Variants in PFDN5 observed in about 807,000 individuals in gnomAD.
PFDN5 encodes prefoldin subunit 5.
A neutral mutation model predicts 21.5 loss-of-function variants in PFDN5; 13 were observed. That is an observed-to-expected ratio of 0.60 (90% CI 0.39 to 0.96). The LOEUF is 0.96. PFDN5 is among the 40% of genes least tolerant of loss of function. The pLI is 0.00. For missense variants in PFDN5, 188 were observed against 186.2 expected, an observed-to-expected ratio of 1.01 and a Z score of -0.06; for synonymous variants, 84 against 68.9, an observed-to-expected ratio of 1.22 and a Z score of -1.08.
Position 53,295,651 on chromosome 12 carries a change from C to A in PFDN5, c.72+12C>A, listed in dbSNP as rs763140389. On this transcript the variant is annotated intron_variant, in intron 1 of 5. Transcript: ENST00000334478. ...ACCAGCTGGACCAGGTGGGGACGGGCCCCAGAGGCACCTCTTTCCTGCTCT... is the reference window on the plus strand; with the variant it reads ...ACCAGCTGGACCAGGTGGGGACGGGACCCAGAGGCACCTCTTTCCTGCTCT... 2.5e-6 allele frequency: 4 copies of A among 1,608,682 alleles called. No individual in the cohort carries two copies. Among genetic ancestry groups the A allele is most frequent in the Middle Eastern group, 3.3e-4 (2 of 6,048 alleles).
At chr12:53,296,736 T>C (rs370368894) in intron 3 of PFDN5, 82 of 273,314 alleles carry the variant, frequency 3.0e-4, no homozygotes, top group African/African-American at 1.7e-3. Flanking sequence ...TTACACACTT[T>C]GTAGCTCTTT....
Position 53,295,588 on chromosome 12 carries a change from C to CACGGAGCTGAATCTG in PFDN5, c.22_36dup (p.Thr8_Leu12dup). 6.2e-7 allele frequency: 1 copy of CACGGAGCTGAATCTG among 1,613,968 alleles called. No individual in the cohort carries two copies. Among genetic ancestry groups the CACGGAGCTGAATCTG allele is most frequent in the Non-Finnish European group, 8.5e-7 (1 of 1,179,890 alleles). On this transcript the variant is annotated inframe_insertion, in exon 1 of 6. Coordinates refer to ENST00000334478, the MANE Select transcript of PFDN5 (RefSeq NM_002624.4). ...CCAACATGGCGCAGTCTATTAACAT[C>CACGGAGCTGAATCTG]ACGGAGCTGAATCTGCCGCAGCTAG...
Position 53,296,278 on chromosome 12 carries a change from A to T in PFDN5, c.207+3A>T. ...TACTCGTCCCACTGACGAGTTCTGT[A>T]TCCTTTCCACAGGAACGGCTACCTG... On this transcript the variant is annotated splice_donor_region_variant and intron_variant, in intron 3 of 5. Transcript: ENST00000334478. 5 of 1,605,506 alleles carry T rather than the reference A, an allele frequency of 3.1e-6. No individual in the cohort carries two copies. Among genetic ancestry groups the T allele is most frequent in the Non-Finnish European group, 4.3e-6 (5 of 1,174,644 alleles).
intron 1 of PFDN5, 69 bp from the exon 2 acceptor site, chr12:53,295,770 C>T (rs1483833883): frequency 2.4e-6 from 3 of 1,243,270 alleles, no homozygotes; most frequent in Non-Finnish European, 3.6e-6. Flanking sequence ...CCAGGACCTG[C>T]CCCCTCCCCG....
intron 2 of PFDN5, 37 bp downstream of exon 2, chr12:53,295,978 G>T (rs761809751): frequency 1.6e-6 from 2 of 1,262,754 alleles, no homozygotes; most frequent in African/African-American, 1.5e-5. Context: ...CTAAAGTGGC[G>T]AACCTGCTTC....
intron 3 of PFDN5, 136 bp downstream of exon 3, chr12:53,296,411 TTTTTC>T (rs1944151090): frequency 1.3e-6 from 1 of 754,800 alleles, no homozygotes; most frequent in Non-Finnish European, 2.3e-6. Flanking sequence ...ACCCTTTTTT[TTTTTC>T]TTTCTTTTTT....
chr12:53,295,726 G>C, intron 1 of PFDN5, 87 bp downstream of exon 1: 2 of 1,368,368 alleles, frequency 1.5e-6, no homozygotes, highest in Middle Eastern at 1.8e-4. Context: ...CAAGTTGGCA[G>C]CCTACCTTTC....
At position 53,299,346 on chromosome 12, in the gene PFDN5, G is replaced by C; in HGVS notation, c.*1G>C. The C allele has an allele frequency of 6.2e-7, 1 of 1,604,444 alleles. No homozygotes were observed. Among genetic ancestry groups the C allele is most frequent in the South Asian group, 1.1e-5 (1 of 90,794 alleles). ...AGCTCAGGCTACTGCTAAGGCCTGA[G>C]AGTTTTTGCAGAAATGGGGCAGAGG... is the stretch of plus-strand genomic sequence containing the variant. On this transcript the variant is annotated 3_prime_UTR_variant, in exon 6 of 6. Coordinates refer to ENST00000334478, the MANE Select transcript of PFDN5 (RefSeq NM_002624.4).
chr12:53,295,542 C>T lies in PFDN5; in HGVS notation c.-26C>T, dbSNP rs375481383. 1.6e-5 allele frequency: 25 copies of T among 1,600,044 alleles called. No homozygotes were observed. The African/African-American group carries it at 3.2e-4, about 21-fold the overall frequency. On this transcript the variant is annotated 5_prime_UTR_variant, in exon 1 of 6. Coordinates refer to ENST00000334478, the MANE Select transcript of PFDN5 (RefSeq NM_002624.4). ...AGAGCGTTGCTCGCCGAGAGACTTC[C>T]TCTTCGTTAAGTCGGCCTTCCCAAC...
chr12:53,299,054 T>G, intron 5 of PFDN5: 1 of 381,916 alleles, frequency 2.6e-6, no homozygotes, highest in Non-Finnish European at 5.0e-6. Context: ...GAGAATCGCT[T>G]GAACCCGGGA....
intron 2 of PFDN5, 79 bp downstream of exon 2, chr12:53,296,020 A>G (rs1592502631): frequency 2.2e-6 from 2 of 901,512 alleles, no homozygotes; most frequent in Non-Finnish European, 3.6e-6. Flanking sequence ...AGTTTTTCTT[A>G]CCTGAAACGA....
rs758110460 is a variant in PFDN5, at chr12:53,299,353, T to G, written c.*8T>G. On this transcript the variant is annotated 3_prime_UTR_variant, in exon 6 of 6. Transcript: ENST00000334478. The stretch of plus-strand genomic sequence containing the variant: ...GCTACTGCTAAGGCCTGAGAGTTTT[T>G]GCAGAAATGGGGCAGAGGGACACCC... 6.3e-6 allele frequency: 10 copies of G among 1,596,150 alleles called. No individual in the cohort carries two copies. Among genetic ancestry groups the G allele is most frequent in the Non-Finnish European group, 8.6e-6 (10 of 1,166,508 alleles).
In PFDN5 at chr12:53,299,337, A is replaced by G; in HGVS notation, c.457A>G (p.Lys153Glu). The G allele has an allele frequency of 6.3e-7, 1 of 1,581,114 alleles. No homozygotes were observed. Among genetic ancestry groups the G allele is most frequent in the Non-Finnish European group, 8.7e-7 (1 of 1,154,616 alleles). ...TALGAAQATAKA is the reference protein window; with the variant it reads ...TALGAAQATAEA ...CCTGGGGGCAGCTCAGGCTACTGCT[A>G]AGGCCTGAGAGTTTTTGCAGAAATG... The change falls in exon 6 of 6, where the codon AAG becomes GAG. Residue 153 changes from lysine (K) to glutamate (E), a missense_variant. Physicochemically the swap from Lys to Glu is moderately conservative, Grantham distance 56 (BLOSUM62 1). Transcript: ENST00000334478.
chr12:53,299,233 T>A, intron 5 of PFDN5, 36 bp from the exon 6 acceptor site: 2 of 1,485,976 alleles, frequency 1.3e-6, no homozygotes, highest in Non-Finnish European at 1.9e-6. Context: ...GTTCTCCTTT[T>A]TGCTTCTAAC....
At chr12:53,295,706 C>A in intron 1 of PFDN5, 67 bp downstream of exon 1, 1 of 1,450,582 alleles carries the variant, frequency 6.9e-7, no homozygotes, top group Non-Finnish European at 9.7e-7. Context: ...GTACTTCTCG[C>A]GCCCGGTTCC....
At chr12:53,296,539 G>T in intron 3 of PFDN5, 1 of 582,344 alleles carries the variant, frequency 1.7e-6, no homozygotes, top group Admixed American at 3.0e-5. Context: ...CTCCCGAGTA[G>T]CTGGGACTTT....
rs1355182951 is a variant in PFDN5, at chr12:53,297,843, T to C, written c.208-7T>C. ...GGCTAGTTTTTCCCTTAATTCTTGC[T>C]TCTCAGATGTATGTCCCTGGGAAGC... is the stretch of plus-strand genomic sequence containing the variant. On this transcript the variant is annotated splice_polypyrimidine_tract_variant and splice_region_variant and intron_variant, in intron 3 of 5. Transcript: ENST00000334478. The C allele has an allele frequency of 4.4e-6, 7 of 1,607,840 alleles. No homozygotes were observed. Among genetic ancestry groups the C allele is most frequent in the African/African-American group, 1.3e-5 (1 of 74,762 alleles).
Position 53,297,700 on chromosome 12 carries a change from T to C in PFDN5, c.208-150T>C, listed in dbSNP as rs115748141. On this transcript the variant is annotated intron_variant, in intron 3 of 5. Coordinates refer to ENST00000334478, the MANE Select transcript of PFDN5 (RefSeq NM_002624.4). Reference sequence around the variant, plus strand: ...TCTGTCTTCTTTCCATTTGGAGTTATAGGTATTGTTCTAAGGCCTCCAGAT... The same window carrying C: ...TCTGTCTTCTTTCCATTTGGAGTTACAGGTATTGTTCTAAGGCCTCCAGAT... 1.8e-3 allele frequency: 1,156 copies of C among 632,306 alleles called. 10 individuals are homozygous for C. In the African/African-American group the frequency reaches 0.019, roughly 10 times the overall value. The allele number at this position is 632,306 out of a possible 1,614,324, so 39.2% of individuals were successfully genotyped here.
chr12:53,296,107 A>G, intron 2 of PFDN5, 137 bp from the exon 3 acceptor site: 1 of 813,542 alleles, frequency 1.2e-6, no homozygotes, highest in Non-Finnish European at 2.1e-6. Flanking sequence ...AGTACAGGAC[A>G]TTCCTCTGCT....
Sources: gnomAD v4.1 joint callset for allele counts on GRCh38, gnomAD v4.1.1 for gene constraint, MANE v1.5 for transcripts, NCBI Gene and HGNC (gene_info 2026-07-23, HGNC 2026-07-21) for gene names.